The following HCRTR2 variants were observed in gnomAD, a reference collection of about 807,000 sequenced individuals.
HCRTR2 encodes the protein hypocretin receptor 2.
In HCRTR2, 22 loss-of-function variants were observed where a neutral mutation model predicts 49.0. That is an observed-to-expected ratio of 0.45 (90% CI 0.32 to 0.64). HCRTR2 has a LOEUF of 0.64. Ranked by LOEUF, HCRTR2 falls within the 30% of genes least tolerant of loss-of-function variation. The pLI, the probability that HCRTR2 is intolerant of heterozygous loss-of-function variation, is 0.04. For synonymous variants in HCRTR2, 236 were observed against 205.3 expected, an observed-to-expected ratio of 1.15 and a Z score of -1.28; for missense variants, 491 against 559.4, an observed-to-expected ratio of 0.88 and a Z score of 1.23.
intron 4 of HCRTR2, among the ~76,000 whole-genome samples, chr6:55,269,774 C>A (rs1426698005): frequency 6.6e-6 from 1 of 152,012 alleles, no homozygotes; most frequent in Admixed American, 6.5e-5. Context: ...GCATAGTCAA[C>A]GTGGTGAAAC....
chr6:55,220,119 T>C (rs1765864333), intron 1 of HCRTR2, among the ~76,000 whole-genome samples: 1 of 151,888 alleles, frequency 6.6e-6, no homozygotes, highest in South Asian at 2.1e-4. Flanking sequence ...CAACATTTAA[T>C]AGAAAAAAAA....
At chr6:55,272,426 G>A (rs1396822909) in intron 4 of HCRTR2, among the ~76,000 whole-genome samples, 2 of 152,074 alleles carry the variant, frequency 1.3e-5, no homozygotes, top group Admixed American at 1.3e-4. Flanking sequence ...TTCTAGATTA[G>A]TTAGTGATGA....
intron 4 of HCRTR2, among the ~76,000 whole-genome samples, chr6:55,271,893 G>A (rs181375877): frequency 6.6e-6 from 1 of 152,156 alleles, no homozygotes; most frequent in African/African-American, 2.4e-5. Flanking sequence ...TGGAGTAATT[G>A]GAATCCTTCT....
chr6:55,191,743 G>A (rs952864992), intron 1 of HCRTR2, among the ~76,000 whole-genome samples: 1 of 151,702 alleles, frequency 6.6e-6, no homozygotes, highest in African/African-American at 2.4e-5. Flanking sequence ...TCTCTTCCAA[G>A]GACTGGTCTA....
chr6:55,164,713 T>G (rs1028265694), intron 1 of HCRTR2, among the ~76,000 whole-genome samples: 1 of 152,070 alleles, frequency 6.6e-6, no homozygotes, highest in African/African-American at 2.4e-5. Context: ...CCGTGGCACA[T>G]GTATACCTAT....
chr6:55,283,617 TC>T (rs1220332413), downstream of HCRTR2, among the ~76,000 whole-genome samples: 1 of 152,066 alleles, frequency 6.6e-6, no homozygotes, highest in Non-Finnish European at 1.5e-5. Flanking sequence ...TCAAACTTAT[TC>T]CCCTGAAAAA....
In HCRTR2 at chr6:55,166,182, A is replaced by G. The variant is rs183765819; in HGVS notation, c.-377-8029A>G. ...CCACCCCTGGGATAAATCCCACTTG[A>G]TCATGGTGTATTATCTTTTTGATGT... On this transcript the variant is annotated intron_variant, in intron 1 of 7. Coordinates refer to the HCRTR2 transcript ENST00000615358. Among the ~76,000 whole-genome samples the G allele has an allele frequency of 2.9e-3, 435 of 152,086 alleles. 2 individuals are homozygous for G. Among genetic ancestry groups the G allele is most frequent in the African/African-American group, 9.9e-3 (413 of 41,516 alleles).
At chr6:55,257,135 G>T (rs1251327243) in intron 3 of HCRTR2, among the ~76,000 whole-genome samples, 1 of 152,070 alleles carries the variant, frequency 6.6e-6, no homozygotes, top group Non-Finnish European at 1.5e-5. Context: ...AGCACTTGTA[G>T]TTTCTGGAAC....
intron 1 of HCRTR2, among the ~76,000 whole-genome samples, chr6:55,132,385 G>A (rs1387269573): frequency 6.6e-6 from 1 of 151,860 alleles, no homozygotes; most frequent in African/African-American, 2.4e-5. Context: ...GGATTCTAAA[G>A]ATGTCTGGGC....
At chr6:55,232,254 A>G (rs1309984593) in intron 1 of HCRTR2, among the ~76,000 whole-genome samples, 1 of 152,172 alleles carries the variant, frequency 6.6e-6, no homozygotes, top group Non-Finnish European at 1.5e-5. Context: ...CGGGCAATTA[A>G]TTAATACAAT....
chr6:55,180,855 A>G (rs1765120669), intron 1 of HCRTR2, among the ~76,000 whole-genome samples: 1 of 151,492 alleles, frequency 6.6e-6, no homozygotes, highest in African/African-American at 2.4e-5. Flanking sequence ...ACTGGGGTGC[A>G]GTGGCACAAT....
intron 4 of HCRTR2, among the ~76,000 whole-genome samples, chr6:55,276,580 C>A (rs1156986082): frequency 1.3e-5 from 2 of 152,170 alleles, no homozygotes; most frequent in Non-Finnish European, 2.9e-5. Flanking sequence ...GTTCACTAAA[C>A]CCTATCAATC....
At chr6:55,122,423 T>C (rs543377646) in intron 1 of HCRTR2, among the ~76,000 whole-genome samples, 1 of 152,280 alleles carries the variant, frequency 6.6e-6, no homozygotes, top group South Asian at 2.1e-4. Flanking sequence ...AGCTCCTGGA[T>C]TCATTGATTT....
intron 1 of HCRTR2, among the ~76,000 whole-genome samples, chr6:55,210,690 G>A (rs142109174): frequency 3.9e-4 from 60 of 152,174 alleles, no homozygotes; most frequent in African/African-American, 1.4e-3. Flanking sequence ...CCTGTGGCTG[G>A]ATAAGGAACT....
At chr6:55,141,213 C>T (rs1764502546) in intron 1 of HCRTR2, among the ~76,000 whole-genome samples, 1 of 150,720 alleles carries the variant, frequency 6.6e-6, no homozygotes, top group Non-Finnish European at 1.5e-5. Flanking sequence ...GGCGTGGTGG[C>T]AGTCACCTGT....
chr6:55,245,475 A>AT (rs1766419337), intron 1 of HCRTR2, among the ~76,000 whole-genome samples: 1 of 63,254 alleles, frequency 1.6e-5, no homozygotes, highest in South Asian at 4.2e-4. Flanking sequence ...GATTTTATAT[A>AT]TATATATATA....
chr6:55,158,422 A>G (rs1239214663), intron 1 of HCRTR2, among the ~76,000 whole-genome samples: 1 of 151,886 alleles, frequency 6.6e-6, no homozygotes, highest in Non-Finnish European at 1.5e-5. Context: ...TATTTTTCAT[A>G]CCCCAGTGGT....
intron 1 of HCRTR2, among the ~76,000 whole-genome samples, chr6:55,168,958 C>A (rs1764912985): frequency 6.6e-6 from 1 of 152,012 alleles, no homozygotes; most frequent in Admixed American, 6.6e-5. Context: ...AACTCCCTCT[C>A]TCACTTCCCA....
At chr6:55,243,306 TA>T (rs1451567707) in intron 1 of HCRTR2, among the ~76,000 whole-genome samples, 1 of 152,164 alleles carries the variant, frequency 6.6e-6, no homozygotes, top group Non-Finnish European at 1.5e-5. Flanking sequence ...GGCTTTTAAA[TA>T]CAGACTAACC....
Sources: gnomAD v4.1 joint callset for allele counts (sites outside exome capture counted in the v4.1 genomes callset) on GRCh38, gnomAD v4.1.1 for gene constraint, MANE v1.5 for transcripts, NCBI Gene and HGNC (gene_info 2026-07-23, HGNC 2026-07-21) for gene names.